NKTR: variants seen among roughly 807,000 people sequenced by gnomAD.
NKTR encodes the protein NK-tumor recognition protein.
Under a neutral mutation model 156.3 loss-of-function variants are expected in NKTR, and 67 were observed. The ratio of observed to expected loss-of-function variants is 0.43; its 90% CI spans 0.35 to 0.53. The LOEUF (loss-of-function observed/expected upper bound fraction) is 0.53, where lower values mean the gene tolerates loss of function less well. NKTR is among the 20% of genes least tolerant of loss of function. The probability of loss-of-function intolerance (pLI) is 0.01; values close to 1 mark genes in which losing one functional copy is unlikely to be tolerated. For synonymous variants in NKTR, 640 were observed against 596.6 expected (o/e 1.07, Z -1.06); for missense variants, 1,604 against 1,730.9 (o/e 0.93, Z 1.30).
intron 6 of NKTR, chr3:42,630,082 A>G: frequency 1.0e-6 from 1 of 986,352 alleles, no homozygotes; most frequent in Non-Finnish European, 1.2e-6. Context: ...AGTATGAGAA[A>G]TAACAAGAAA....
chr3:42,616,640 A>G (rs1276586546), intron 2 of NKTR, among the ~76,000 whole-genome samples: 2 of 152,188 alleles, frequency 1.3e-5, no homozygotes, highest in South Asian at 4.1e-4. Flanking sequence ...TTTGAGAACC[A>G]TTTTTCTCTG....
intron 12 of NKTR, among the ~76,000 whole-genome samples, chr3:42,636,616 A>G (rs1325722660): frequency 2.0e-5 from 3 of 152,180 alleles, no homozygotes; most frequent in African/African-American, 7.2e-5. Flanking sequence ...CTTTTCAAAA[A>G]CATTTTCCTA....
chr3:42,636,690 G>A (rs1012793866), intron 12 of NKTR, among the ~76,000 whole-genome samples, 178 bp from the exon 13 acceptor site: 24 of 152,194 alleles, frequency 1.6e-4, no homozygotes, highest in African/African-American at 5.8e-4. Flanking sequence ...TTTGTTAGTA[G>A]TTCTTAGTGT....
chr3:42,634,751 T>C (rs1234082950), intron 11 of NKTR, 51 bp downstream of exon 11: 3 of 1,009,798 alleles, frequency 3.0e-6, no homozygotes, highest in Non-Finnish European at 1.5e-6. Flanking sequence ...AAAAAATTTT[T>C]ACCTATTTTC....
chr3:42,626,008 C>T (rs373069780), intron 6 of NKTR, among the ~76,000 whole-genome samples: 34 of 152,078 alleles, frequency 2.2e-4, no homozygotes, highest in African/African-American at 8.0e-4. Context: ...TTTCCATTAC[C>T]CTTATACAAG....
rs756540106 is a variant in NKTR at position 42,614,997 on chromosome 3, T to A, written c.59-2573T>A. ...GATAAAACCTCTACTCTATCCTTTGTGCCATGAGGTTCGGAGGGCAAAAGA... is the reference window on the plus strand; with the variant it reads ...GATAAAACCTCTACTCTATCCTTTGAGCCATGAGGTTCGGAGGGCAAAAGA... On this transcript the variant is annotated intron_variant, in intron 2 of 16. Coordinates refer to ENST00000232978, the MANE Select transcript of NKTR (RefSeq NM_005385.4). Among the ~76,000 whole-genome samples, 35 of 152,072 alleles carry A rather than the reference T, an allele frequency of 2.3e-4. 1 individual carries two copies. Among genetic ancestry groups the A allele is most frequent in the Non-Finnish European group, 5.1e-4 (35 of 68,004 alleles).
At chr3:42,604,659 CTTTTTTTTTTTTTTTTTTTTTTT>C (rs71072726) in intron 2 of NKTR, among the ~76,000 whole-genome samples, 16 of 45,282 alleles carry the variant, frequency 3.5e-4, no homozygotes, top group Admixed American at 1.8e-3. Flanking sequence ...TATTTCTCTC[CTTTTTTTTTTTTTTTTTTTTTTT>C]TTTTTTTTTT....
chr3:42,622,241 T>C (rs1443353739), intron 6 of NKTR, among the ~76,000 whole-genome samples: 1 of 152,082 alleles, frequency 6.6e-6, no homozygotes, highest in African/African-American at 2.4e-5. Context: ...AAATAAATCC[T>C]TTGGCATACT....
intron 2 of NKTR, among the ~76,000 whole-genome samples, chr3:42,613,407 A>G (rs1387228731): frequency 1.3e-5 from 2 of 152,092 alleles, no homozygotes; most frequent in African/African-American, 4.8e-5. Flanking sequence ...CTCTTGGCCT[A>G]CCTAGTGTGA....
intron 6 of NKTR, chr3:42,629,805 CT>C: frequency 1.0e-6 from 1 of 985,406 alleles, no homozygotes; most frequent in Non-Finnish European, 1.2e-6. Context: ...ACCCTGTAGG[CT>C]TCCCAAGAGT....
In NKTR at chr3:42,633,597, A is replaced by G; in HGVS notation, c.791A>G (p.Asp264Gly). The G allele has an allele frequency of 6.2e-7, 1 of 1,614,118 alleles. No homozygotes were observed. The highest frequency in any genetic ancestry group is 8.5e-7 in the Non-Finnish European group (1 of 1,179,978). Residue 264 changes from aspartate (D) to glycine (G), a missense_variant, in exon 10 of 17, where the codon GAT becomes GGT. By Grantham distance (94) the Asp-to-Gly change is moderately conservative. Transcript: ENST00000232978. ...MNPKGHSERSDTNEKRSVDSS... is the reference protein window; with the variant it reads ...MNPKGHSERSGTNEKRSVDSS... ...GTTCTAAGTCACTCTGAGAGGAGTG[A>G]TACCAATGAAAAAAGGTCAGTTGAT...
At chr3:42,614,907 G>A (rs932200608) in intron 2 of NKTR, among the ~76,000 whole-genome samples, 11 of 151,588 alleles carry the variant, frequency 7.3e-5, no homozygotes, top group Non-Finnish European at 1.5e-4. Flanking sequence ...TTGTTATTGA[G>A]GCAAAAACAA....
intron 13 of NKTR, among the ~76,000 whole-genome samples, chr3:42,641,965 G>A: frequency 6.6e-6 from 1 of 151,362 alleles, no homozygotes; most frequent in East Asian, 1.9e-4. Flanking sequence ...CTAAACTTTG[G>A]TTATAATTTT....
At chr3:42,608,805 T>C (rs1015494483) in intron 2 of NKTR, among the ~76,000 whole-genome samples, 1 of 152,132 alleles carries the variant, frequency 6.6e-6, no homozygotes, top group African/African-American at 2.4e-5. Flanking sequence ...GGGATTTAAG[T>C]GTTCTCTGTC....
chr3:42,610,033 C>T (rs612362), intron 2 of NKTR, among the ~76,000 whole-genome samples: 4 of 151,656 alleles, frequency 2.6e-5, no homozygotes, highest in African/African-American at 7.3e-5. Flanking sequence ...GACAGAGTTT[C>T]GCTCTTGTTG....
At chr3:42,641,905 A>G (rs1709922488) in intron 13 of NKTR, among the ~76,000 whole-genome samples, 1 of 151,852 alleles carries the variant, frequency 6.6e-6, no homozygotes, top group South Asian at 2.1e-4. Context: ...GCTTTGATGT[A>G]CCAGTGCCAC....
chr3:42,631,216 C>G lies in NKTR; in HGVS notation c.450C>G (p.Ile150Met). ...TGGTTATTTCTGGTTTTGAAGTAATCGAACAAATTGAAAATCTGAAGACCG... is the reference window on the plus strand; with the variant it reads ...TGGTTATTTCTGGTTTTGAAGTAATGGAACAAATTGAAAATCTGAAGACCG... Reference protein sequence around the residue: ...FGLVISGFEVIEQIENLKTDA... With the variant: ...FGLVISGFEVMEQIENLKTDA... The change falls in exon 8 of 17, where the codon ATC (isoleucine) becomes ATG (methionine). Residue 150 changes from isoleucine (I) to methionine (M), a missense_variant. By Grantham distance (10) the Ile-to-Met change is conservative (BLOSUM62 1). Around this residue, in one of 6 missense-constraint regions of NKTR, gnomAD observed 61 missense variants for 113.3 expected, o/e 0.54. Transcript: ENST00000232978. 1 of 1,613,950 alleles carries G rather than the reference C, an allele frequency of 6.2e-7. No individual in the cohort carries two copies. Among genetic ancestry groups the G allele is most frequent in the Non-Finnish European group, 8.5e-7 (1 of 1,179,960 alleles).
chr3:42,633,722 G>A lies in NKTR; in HGVS notation c.916G>A (p.Ala306Thr). The A allele has an allele frequency of 9.3e-6, 15 of 1,613,972 alleles. No homozygotes were observed. The highest frequency in any genetic ancestry group is 1.3e-5 in the African/African-American group (1 of 75,022). ...GAGAAGAGATATGCCTGTTGTTACTGCAGAACCTGAACCGTAAGTAGGATG... is the reference window on the plus strand; with the variant it reads ...GAGAAGAGATATGCCTGTTGTTACTACAGAACCTGAACCGTAAGTAGGATG... ...LLRRDMPVVTAEPEPKIPDVA... is the reference protein window; with the variant it reads ...LLRRDMPVVTTEPEPKIPDVA... Residue 306 changes from alanine to threonine, a missense_variant, in exon 10 of 17, where the codon GCA becomes ACA. Coordinates refer to ENST00000232978, the MANE Select transcript of NKTR (RefSeq NM_005385.4).
chr3:42,611,655 C>T (rs1706826284), intron 2 of NKTR, among the ~76,000 whole-genome samples: 1 of 151,686 alleles, frequency 6.6e-6, no homozygotes, highest in Non-Finnish European at 1.5e-5. Context: ...ATTGCTTGAA[C>T]CCAGGAGGCG....
Sources: gnomAD v4.1 joint callset for allele counts (sites outside exome capture counted in the v4.1 genomes callset) on GRCh38, gnomAD v4.1.1 for gene constraint, gnomAD v4.1.1 regional missense constraint, MANE v1.5 for transcripts, NCBI Gene and HGNC (gene_info 2026-07-23, HGNC 2026-07-21) for gene names.